The following ADGRL3 variants were observed in gnomAD, a reference collection of about 807,000 sequenced individuals.
ADGRL3 encodes the protein adhesion G protein-coupled receptor L3.
In ADGRL3, 62 loss-of-function variants were observed where a neutral mutation model predicts 153.5. The observed-to-expected ratio is 0.40, with a 90% CI of 0.33 to 0.50. ADGRL3 has a LOEUF of 0.50. Ranked by LOEUF, ADGRL3 falls within the 20% of genes least tolerant of loss-of-function variation. The pLI, the probability that ADGRL3 is intolerant of heterozygous loss-of-function variation, is 0.47. For missense variants in ADGRL3, 1,641 were observed against 1,859.4 expected, an observed-to-expected ratio of 0.88 and a Z score of 2.16; for synonymous variants, 710 against 672.5, an observed-to-expected ratio of 1.06 and a Z score of -0.86.
rs192068993 is a variant in ADGRL3 at position 61,746,101 on chromosome 4, A to T, written c.1399+12547A>T. 4.6e-5 allele frequency among the ~76,000 whole-genome samples: 7 copies of T among 152,340 alleles called. No homozygotes were observed. In the East Asian group the frequency reaches 1.3e-3, roughly 29 times the overall value. On this transcript the variant is annotated intron_variant, in intron 8 of 26. Coordinates refer to ENST00000683033, the MANE Select transcript of ADGRL3 (RefSeq NM_001387552.1). Reference sequence around the variant, plus strand: ...GACTTTAAACCAACAAAGATCAAAGAGACAAAGAAGGCCATTAAATAATAG... The same window carrying T: ...GACTTTAAACCAACAAAGATCAAAGTGACAAAGAAGGCCATTAAATAATAG...
Position 61,714,042 on chromosome 4 carries a change from G to T in ADGRL3, c.584-16580G>T, listed in dbSNP as rs980418925. ...ATCCCCTCTTTTATGCCTGCAGGAG[G>T]AGTTCTATGGAATGCGTAAATGTTA... On this transcript the variant is annotated intron_variant, in intron 6 of 26. Transcript: ENST00000683033. 5.9e-5 allele frequency among the ~76,000 whole-genome samples: 9 copies of T among 152,090 alleles called. 1 individual carries two copies. The East Asian group carries it at 1.5e-3, about 26-fold the overall frequency.
chr4:61,966,161 C>T (rs923273995), intron 17 of ADGRL3, among the ~76,000 whole-genome samples: 2 of 151,992 alleles, frequency 1.3e-5, no homozygotes, highest in East Asian at 1.9e-4. Context: ...CATGGGTGTG[C>T]GTATGTGCAC....
intron 1 of ADGRL3, among the ~76,000 whole-genome samples, chr4:61,379,176 C>T (rs898520986): frequency 2.6e-5 from 4 of 151,836 alleles, no homozygotes; most frequent in Non-Finnish European, 2.9e-5. Flanking sequence ...ATAGACTAGT[C>T]GGGTGAGACC....
At chr4:61,223,142 A>G (rs1221009960) in intron 1 of ADGRL3, among the ~76,000 whole-genome samples, 1 of 152,154 alleles carries the variant, frequency 6.6e-6, no homozygotes, top group Admixed American at 6.6e-5. Context: ...CTCTCATCTC[A>G]GTTTTATTGA....
chr4:61,794,990 T>C (rs1351059523), intron 8 of ADGRL3, among the ~76,000 whole-genome samples: 1 of 152,228 alleles, frequency 6.6e-6, no homozygotes, highest in Non-Finnish European at 1.5e-5. Context: ...AGATAATTCC[T>C]ATGCAGTAAA....
chr4:61,419,910 C>A (rs78649655), intron 2 of ADGRL3, among the ~76,000 whole-genome samples: 4,896 of 151,942 alleles, frequency 0.032, 249 homozygotes, highest in East Asian at 0.21. Context: ...TCTGCTACCA[C>A]AGCCTCCCCA....
intron 8 of ADGRL3, among the ~76,000 whole-genome samples, chr4:61,765,075 C>A (rs2096960176): frequency 6.6e-6 from 1 of 152,024 alleles, no homozygotes; most frequent in Non-Finnish European, 1.5e-5. Context: ...TCAGCATAGT[C>A]CTGCCAGCAA....
intron 13 of ADGRL3, among the ~76,000 whole-genome samples, chr4:61,917,365 G>C (rs1171635487): frequency 6.6e-6 from 1 of 152,134 alleles, no homozygotes; most frequent in Non-Finnish European, 1.5e-5. Context: ...TGAGACAGAG[G>C]TAAAATGGTA....
At chr4:61,554,595 G>A (rs2148869916) in intron 4 of ADGRL3, among the ~76,000 whole-genome samples, 1 of 152,258 alleles carries the variant, frequency 6.6e-6, no homozygotes. Flanking sequence ...ATGTGTATGT[G>A]ACAGAGAGAG....
rs757021157 is a variant in ADGRL3, at chr4:61,979,599, A to T, written c.2842A>T (p.Ile948Phe). 2 of 1,613,840 alleles carry T rather than the reference A, an allele frequency of 1.2e-6. No individual in the cohort carries two copies. The highest frequency in any genetic ancestry group is 1.7e-6 in the Non-Finnish European group (2 of 1,179,848). ...GGTCCATGACCTCCTTCTGGATGTG[A>T]TCACGTGGGTTGGAATTTTGCTGTC... is the stretch of plus-strand genomic sequence containing the variant. ...DAVHDLLLDV[I>F]TWVGILLSLV... The change falls in exon 18 of 27, where the codon ATC (isoleucine) becomes TTC (phenylalanine). Residue 948 changes from isoleucine (I) to phenylalanine (F), a missense_variant. By Grantham distance (21) the Ile-to-Phe change is conservative. This residue lies in a region of ADGRL3 where 734 missense variants were observed against 797.0 expected (regional missense o/e 0.92). Transcript: ENST00000683033.
chr4:62,070,028 A>G, intron 26 of ADGRL3, 81 bp from the exon 27 acceptor site: 1 of 1,102,870 alleles, frequency 9.1e-7, no homozygotes, highest in Non-Finnish European at 1.3e-6. Context: ...ATAGTCAATG[A>G]ATGTTTTTGC....
chr4:62,031,510 A>G lies in ADGRL3; in HGVS notation c.3491A>G (p.Tyr1164Cys), dbSNP rs1288509227. 4 of 1,610,952 alleles carry G rather than the reference A, an allele frequency of 2.5e-6. No individual in the cohort carries two copies. The highest frequency in any genetic ancestry group is 3.3e-5 in the Admixed American group (2 of 59,800). ...LGLTWAFGLM[Y>C]INESTVIMAY... is the part of the protein sequence containing the mutation. Reference sequence around the variant, plus strand: ...TTGACCTGGGCCTTTGGACTCATGTATATTAATGAAAGCACAGTCATCATG... The same window carrying G: ...TTGACCTGGGCCTTTGGACTCATGTGTATTAATGAAAGCACAGTCATCATG... Residue 1164 changes from tyrosine (Y) to cysteine (C), a missense_variant, in exon 23 of 27, where the codon TAT becomes TGT. Tyr to Cys is a radical substitution (Grantham distance 194). This residue lies in a region of ADGRL3 where 517 missense variants were observed against 555.0 expected (regional missense o/e 0.93). Coordinates refer to ENST00000683033, the MANE Select transcript of ADGRL3 (RefSeq NM_001387552.1).
At chr4:61,708,425 G>GT (rs1202944346) in intron 6 of ADGRL3, among the ~76,000 whole-genome samples, 1 of 151,048 alleles carries the variant, frequency 6.6e-6, no homozygotes, top group African/African-American at 2.4e-5. Context: ...TTTAAAACAT[G>GT]TTTTTAAAGG....
At chr4:61,800,072 T>C (rs1275155699) in intron 8 of ADGRL3, among the ~76,000 whole-genome samples, 1 of 152,164 alleles carries the variant, frequency 6.6e-6, no homozygotes, top group African/African-American at 2.4e-5. Flanking sequence ...ATTGAACCTC[T>C]TGTGTACTGG....
At chr4:61,987,688 A>C (rs931702369) in intron 19 of ADGRL3, among the ~76,000 whole-genome samples, 2 of 152,152 alleles carry the variant, frequency 1.3e-5, no homozygotes, top group African/African-American at 4.8e-5. Flanking sequence ...ATTTTCTTTA[A>C]ATTATTATTA....
At chr4:61,680,198 G>A (rs1222888033) in intron 6 of ADGRL3, among the ~76,000 whole-genome samples, 1 of 151,884 alleles carries the variant, frequency 6.6e-6, no homozygotes, top group Non-Finnish European at 1.5e-5. Flanking sequence ...GGAAATTTCA[G>A]ACTTAGGATT....
chr4:61,976,223 A>G (rs577336193), intron 17 of ADGRL3, among the ~76,000 whole-genome samples: 1 of 152,288 alleles, frequency 6.6e-6, no homozygotes, highest in South Asian at 2.1e-4. Flanking sequence ...CAAACATGCA[A>G]TCTCAGAAAT....
At chr4:62,028,951 G>A in intron 22 of ADGRL3, 70 bp downstream of exon 22, 1 of 1,363,274 alleles carries the variant, frequency 7.3e-7, no homozygotes, top group Non-Finnish European at 1.0e-6. Context: ...TGTCAGATCA[G>A]TACTGAAAAA....
At chr4:61,570,201 ACTTAT>A (rs1221248730) in intron 4 of ADGRL3, among the ~76,000 whole-genome samples, 2 of 152,180 alleles carry the variant, frequency 1.3e-5, no homozygotes, top group African/African-American at 4.8e-5. Flanking sequence ...AAATAAGTGA[ACTTAT>A]CTTTGCTATC....
Sources: gnomAD v4.1 joint callset for allele counts (sites outside exome capture counted in the v4.1 genomes callset) on GRCh38, gnomAD v4.1.1 for gene constraint, gnomAD v4.1.1 regional missense constraint, MANE v1.5 for transcripts, NCBI Gene and HGNC (gene_info 2026-07-23, HGNC 2026-07-21) for gene names.